The following COL24A1 variants were observed in gnomAD, a reference collection of about 807,000 sequenced individuals.
The protein encoded by COL24A1 is collagen type XXIV alpha 1 chain, also known as collagen alpha-1(XXIV) chain.
COL24A1 carries 224 observed loss-of-function variants against 253.9 expected under a neutral mutation model. The ratio of observed to expected loss-of-function variants is 0.88; its 90% confidence interval spans 0.79 to 0.99. The LOEUF is 0.99. Ranked by LOEUF, COL24A1 falls within the 50% of genes least tolerant of loss-of-function variation. The pLI is 0.00. For missense variants in COL24A1, 2,131 were observed against 2,068.5 expected, an observed-to-expected ratio of 1.03 and a Z score of -0.59; for synonymous variants, 685 against 673.7, an observed-to-expected ratio of 1.02 and a Z score of -0.26.
At chr1:85,927,223 C>T (rs1347613877) in intron 24 of COL24A1, among the ~76,000 whole-genome samples, 4 of 152,136 alleles carry the variant, frequency 2.6e-5, no homozygotes, top group South Asian at 2.1e-4. Context: ...AGTGTGTGTG[C>T]GCACCGTGCG....
intron 57 of COL24A1, among the ~76,000 whole-genome samples, chr1:85,740,599 A>G (rs979914318): frequency 5.9e-5 from 9 of 152,016 alleles, no homozygotes; most frequent in Non-Finnish European, 1.2e-4. Context: ...CTGGGACCAC[A>G]GGCACATTCC....
At chr1:86,008,937 G>T (rs921862839) in intron 19 of COL24A1, among the ~76,000 whole-genome samples, 1 of 134,676 alleles carries the variant, frequency 7.4e-6, no homozygotes, top group Admixed American at 7.2e-5. Context: ...AACAAAAAAT[G>T]TGCAAAACCT....
chr1:85,884,505 T>A (rs969477247), intron 32 of COL24A1, among the ~76,000 whole-genome samples: 1 of 152,150 alleles, frequency 6.6e-6, no homozygotes, highest in Non-Finnish European at 1.5e-5. Flanking sequence ...GGAACCCCAC[T>A]GATTTGATTG....
In COL24A1 at chr1:85,842,097, AG is replaced by A; in HGVS notation, c.3540del (p.Ser1181LeufsTer20). ...TCTCCTTTAGGTCCTGGCAATCCAG[AG>A]GGTCCTGGTTGGCCCTGATGGCCCT... ...GYRGHQGQPG[P>X]SGLPGPKGEK... On this transcript the variant is annotated frameshift_variant, in exon 41 of 60. Coordinates refer to ENST00000370571, the MANE Select transcript of COL24A1 (RefSeq NM_152890.7). LOFTEE classifies it high-confidence loss of function. The A allele has an allele frequency of 2.5e-6, 4 of 1,613,830 alleles. No homozygotes were observed. Among genetic ancestry groups the A allele is most frequent in the East Asian group, 4.5e-5 (2 of 44,846 alleles).
At chr1:85,733,566 T>C (rs935502567) in intron 59 of COL24A1, among the ~76,000 whole-genome samples, 1 of 152,052 alleles carries the variant, frequency 6.6e-6, no homozygotes, top group Non-Finnish European at 1.5e-5. Context: ...AGATTTTTCA[T>C]AGTAACTGTC....
At chr1:86,139,410 A>G (rs1175360576) in intron 2 of COL24A1, among the ~76,000 whole-genome samples, 5 of 152,182 alleles carry the variant, frequency 3.3e-5, no homozygotes, top group Middle Eastern at 3.2e-3. Flanking sequence ...TTACAAGTAC[A>G]GAGAACCAAA....
chr1:85,808,215 G>T (rs1283664254), intron 47 of COL24A1, among the ~76,000 whole-genome samples: 3 of 152,146 alleles, frequency 2.0e-5, no homozygotes, highest in Admixed American at 2.0e-4. Flanking sequence ...ACATATTATT[G>T]CCATAAAGGC....
intron 45 of COL24A1, 57 bp from the exon 46 acceptor site, chr1:85,818,144 C>G (rs889695302): frequency 7.5e-5 from 108 of 1,441,946 alleles, no homozygotes; most frequent in Non-Finnish European, 9.9e-5. Context: ...TAAACTGAAG[C>G]CATAGAAAAG....
intron 7 of COL24A1, among the ~76,000 whole-genome samples, chr1:86,069,584 C>T (rs6665582): frequency 0.31 from 47,563 of 151,832 alleles, 7,892 homozygotes; most frequent in Middle Eastern, 0.43. Context: ...TCATGTCTGA[C>T]CCAGCACAGT....
intron 7 of COL24A1, among the ~76,000 whole-genome samples, chr1:86,075,119 G>T (rs1702157547): frequency 6.6e-6 from 1 of 151,836 alleles, no homozygotes; most frequent in Non-Finnish European, 1.5e-5. Context: ...TCTAAAAAAA[G>T]ATCAACAAAA....
intron 7 of COL24A1, among the ~76,000 whole-genome samples, chr1:86,088,854 A>G (rs886926103): frequency 8.0e-6 from 1 of 124,612 alleles, no homozygotes; most frequent in African/African-American, 2.7e-5. Context: ...GAAAGCTTCA[A>G]TATTCTATCA....
chr1:85,732,390 C>T lies in COL24A1; in HGVS notation c.4999-1698G>A, dbSNP rs529689718. Among the ~76,000 whole-genome samples the T allele has an allele frequency of 5.5e-4, 84 of 152,038 alleles. 1 individual carries two copies. In the South Asian group the frequency reaches 0.016, roughly 30 times the overall value. On this transcript the variant is annotated intron_variant, in intron 59 of 59. Coordinates refer to ENST00000370571, the MANE Select transcript of COL24A1 (RefSeq NM_152890.7). ...GACTACAGGTGTCTGCCACCACGCC[C>T]GGCTAATTTTTTGTATTTTTAGTAG... is the stretch of plus-strand genomic sequence containing the variant.
intron 24 of COL24A1, among the ~76,000 whole-genome samples, chr1:85,946,345 T>C (rs1689322650): frequency 6.6e-6 from 1 of 152,190 alleles, no homozygotes; most frequent in Admixed American, 6.5e-5. Flanking sequence ...CCTTTGCTGA[T>C]GCTCTGTATG....
chr1:85,771,423 A>T (rs1224058222), intron 53 of COL24A1, among the ~76,000 whole-genome samples: 5 of 152,154 alleles, frequency 3.3e-5, no homozygotes, highest in African/African-American at 1.2e-4. Context: ...CCTGCAAAGA[A>T]CATGAATTCA....
chr1:85,847,792 G>A lies in COL24A1; in HGVS notation c.3355-20C>T. Reference sequence around the variant, plus strand: ...ATCACCCTGTGGATGACATTATTAAGAGAGAAAAGCAAGAAAAAAATTTAT... The same window carrying A: ...ATCACCCTGTGGATGACATTATTAAAAGAGAAAAGCAAGAAAAAAATTTAT... On this transcript the variant is annotated intron_variant, in intron 38 of 59. Coordinates refer to ENST00000370571, the MANE Select transcript of COL24A1 (RefSeq NM_152890.7). 6.4e-7 allele frequency: 1 copy of A among 1,560,610 alleles called. No homozygotes were observed. The highest frequency in any genetic ancestry group is 8.8e-7 in the Non-Finnish European group (1 of 1,135,742).
chr1:86,146,062 G>T, intron 2 of COL24A1, 57 bp downstream of exon 2: 1 of 1,360,692 alleles, frequency 7.3e-7, no homozygotes, highest in Non-Finnish European at 1.0e-6. Context: ...ATGTACTTTT[G>T]CTGTCTGGAA....
rs1039598116 is a variant in COL24A1 at position 86,024,214 on chromosome 1, G to A, written c.2050-1207C>T. On this transcript the variant is annotated intron_variant, in intron 14 of 59. Transcript: ENST00000370571. ...ACCAAATGCTCAGAACCTTTGACAA[G>A]ACAGTTACCAGTACTAGAATGCACT... Among the ~76,000 whole-genome samples the A allele has an allele frequency of 6.6e-5, 10 of 152,192 alleles. No individual in the cohort carries two copies. In the East Asian group the frequency reaches 1.4e-3, roughly 21 times the overall value.
chr1:85,757,380 T>C (rs1471481690), intron 55 of COL24A1, among the ~76,000 whole-genome samples: 2 of 152,062 alleles, frequency 1.3e-5, no homozygotes, highest in Non-Finnish European at 2.9e-5. Flanking sequence ...AAAAAGATGC[T>C]CACCAACAAA....
At chr1:86,037,865 A>C (rs1699153988) in intron 12 of COL24A1, among the ~76,000 whole-genome samples, 1 of 152,176 alleles carries the variant, frequency 6.6e-6, no homozygotes, top group African/African-American at 2.4e-5. Context: ...GGTAATGTTC[A>C]ATATAAGTCT....
Sources: allele counts gnomAD v4.1 joint callset (sites outside exome capture counted in the v4.1 genomes callset), GRCh38; gene constraint gnomAD v4.1.1; transcripts MANE v1.5; gene names NCBI Gene and HGNC (gene_info 2026-07-23, HGNC 2026-07-21).